RNGTT: variants seen among roughly 807,000 people sequenced by gnomAD.
The protein encoded by RNGTT is mRNA-capping enzyme.
RNGTT carries 33 observed loss-of-function variants against 79.3 expected under a neutral mutation model. The ratio of observed to expected loss-of-function variants is 0.42; its 90% CI spans 0.32 to 0.56. The LOEUF (loss-of-function observed/expected upper bound fraction) is 0.56, where lower values mean the gene tolerates loss of function less well. RNGTT is among the 20% of genes least tolerant of loss of function. RNGTT has a pLI of 0.17. For synonymous variants in RNGTT, 222 were observed against 235.9 expected, an observed-to-expected ratio of 0.94 and a Z score of 0.54; for missense variants, 497 against 739.1, an observed-to-expected ratio of 0.67 and a Z score of 3.80.
At chr6:88,737,068 G>C (rs1250151524) in intron 13 of RNGTT, among the ~76,000 whole-genome samples, 1 of 152,176 alleles carries the variant, frequency 6.6e-6, no homozygotes, top group Non-Finnish European at 1.5e-5. Flanking sequence ...GGCACAGCAT[G>C]AAATCAAAGA....
rs746920077 is a variant in RNGTT, at chr6:88,929,162, AC to A, written c.278+1del. 1 of 1,578,014 alleles carries A rather than the reference AC, an allele frequency of 6.3e-7. No homozygotes were observed. Among genetic ancestry groups the A allele is most frequent in the Non-Finnish European group, 8.7e-7 (1 of 1,151,318 alleles). ...ATTAAAGAATCTTAATATATAACTT[AC>A]CCTTTACACTGAAGTTTTATATATT... On this transcript the variant is annotated splice_donor_variant, in intron 3 of 15. Coordinates refer to ENST00000369485, the MANE Select transcript of RNGTT (RefSeq NM_003800.5). LOFTEE classifies it high-confidence loss of function.
intron 14 of RNGTT, among the ~76,000 whole-genome samples, chr6:88,660,244 C>T (rs531922262): frequency 6.6e-6 from 1 of 152,128 alleles, no homozygotes; most frequent in South Asian, 2.1e-4. Flanking sequence ...GAAAACAAAA[C>T]AAAAGCCCAA....
chr6:88,712,152 T>G (rs1434472240), intron 13 of RNGTT, among the ~76,000 whole-genome samples: 1 of 152,114 alleles, frequency 6.6e-6, no homozygotes, highest in African/African-American at 2.4e-5. Context: ...TACTTGAGAA[T>G]AGGCAAAGTG....
At chr6:88,913,780 C>T (rs1327833170) in intron 4 of RNGTT, among the ~76,000 whole-genome samples, 1 of 152,114 alleles carries the variant, frequency 6.6e-6, no homozygotes, top group Non-Finnish European at 1.5e-5. Context: ...TGGAACCATT[C>T]CCCTTAAGAA....
intron 13 of RNGTT, among the ~76,000 whole-genome samples, chr6:88,690,346 A>G (rs1280117912): frequency 6.6e-6 from 1 of 152,152 alleles, no homozygotes; most frequent in African/African-American, 2.4e-5. Context: ...CACGTGAAAG[A>G]TATACAGGAA....
chr6:88,760,189 T>C (rs1023186093), intron 13 of RNGTT, among the ~76,000 whole-genome samples: 24 of 152,200 alleles, frequency 1.6e-4, no homozygotes, highest in Non-Finnish European at 2.9e-5. Context: ...ACATGCTCCT[T>C]TTCTCCTACT....
chr6:88,890,437 A>G, intron 8 of RNGTT, 58 bp downstream of exon 8: 2 of 1,073,208 alleles, frequency 1.9e-6, no homozygotes, highest in South Asian at 1.4e-5. Context: ...CTAACAATAA[A>G]ACAATATTCT....
chr6:88,705,630 A>G (rs950228361), intron 13 of RNGTT, among the ~76,000 whole-genome samples: 2 of 152,172 alleles, frequency 1.3e-5, no homozygotes, highest in African/African-American at 4.8e-5. Context: ...AACCAGAGGT[A>G]TTCATGCAAA....
At position 88,963,596 on chromosome 6, in the gene RNGTT, A is replaced by G. The variant is rs1785727247; in HGVS notation, c.-187T>C. ...CACTTTCATTCAGGATCAACTCCAC[A>G]GCTCCAGGAGAACCCACAATGCACC... is the stretch of plus-strand genomic sequence containing the variant. On this transcript the variant is annotated 5_prime_UTR_variant, in exon 1 of 16. Transcript: ENST00000369485. 2 of 518,836 alleles carry G rather than the reference A, an allele frequency of 3.9e-6. No homozygotes were observed. The highest frequency in any genetic ancestry group is 8.1e-5 in the Admixed American group (2 of 24,840). The allele number at this position is 518,836 out of a possible 1,614,324, so 32.1% of individuals were successfully genotyped here. A position where few individuals can be genotyped will look rare whatever the true frequency, so the allele number is the denominator to read the frequency against.
intron 6 of RNGTT, among the ~76,000 whole-genome samples, chr6:88,892,311 A>G (rs1783077782): frequency 6.6e-6 from 1 of 152,136 alleles, no homozygotes. Flanking sequence ...TTTTATGTAA[A>G]TCAAGTGGTA....
At chr6:88,836,147 C>T (rs1162248172) in intron 11 of RNGTT, among the ~76,000 whole-genome samples, 1 of 150,054 alleles carries the variant, frequency 6.7e-6, no homozygotes, top group Admixed American at 6.7e-5. Flanking sequence ...TCTTTAGGTT[C>T]ACCATATGAA....
chr6:88,791,315 T>A (rs1322790955), intron 12 of RNGTT, among the ~76,000 whole-genome samples: 1 of 151,902 alleles, frequency 6.6e-6, no homozygotes, highest in Admixed American at 6.6e-5. Context: ...TTTTTTTCAT[T>A]CTTTATAGAG....
intron 2 of RNGTT, among the ~76,000 whole-genome samples, chr6:88,933,093 GAA>G (rs201351131): frequency 1.3e-5 from 2 of 149,304 alleles, no homozygotes; most frequent in African/African-American, 4.9e-5. Flanking sequence ...GTCCCCACAG[GAA>G]AAAAAAAGGC....
At chr6:88,775,222 T>C (rs1348805830) in intron 12 of RNGTT, among the ~76,000 whole-genome samples, 2 of 152,180 alleles carry the variant, frequency 1.3e-5, no homozygotes, top group African/African-American at 2.4e-5. Flanking sequence ...CACAGTTACC[T>C]TGTATGTGTG....
intron 8 of RNGTT, among the ~76,000 whole-genome samples, chr6:88,874,864 T>C (rs1426876466): frequency 6.6e-6 from 1 of 152,096 alleles, no homozygotes; most frequent in Non-Finnish European, 1.5e-5. Flanking sequence ...ACTCTTAAAA[T>C]CAAAACAAGC....
chr6:88,615,927 T>C (rs1026717678), intron 14 of RNGTT, among the ~76,000 whole-genome samples: 15 of 152,158 alleles, frequency 9.9e-5, no homozygotes, highest in Non-Finnish European at 1.9e-4. Context: ...AGTTCAGCAA[T>C]GCTAAGTGTA....
At chr6:88,627,274 G>A (rs969324622) in intron 14 of RNGTT, among the ~76,000 whole-genome samples, 5 of 152,076 alleles carry the variant, frequency 3.3e-5, no homozygotes, top group African/African-American at 9.7e-5. Context: ...AAATATCCAT[G>A]TTTAACAAAG....
chr6:88,699,017 C>T (rs1775854827), intron 13 of RNGTT, among the ~76,000 whole-genome samples: 1 of 152,162 alleles, frequency 6.6e-6, no homozygotes, highest in Non-Finnish European at 1.5e-5. Flanking sequence ...TGACTAGGAT[C>T]ACTCTTTATA....
intron 12 of RNGTT, among the ~76,000 whole-genome samples, chr6:88,789,392 T>C (rs1353954877): frequency 5.9e-5 from 9 of 152,110 alleles, no homozygotes; most frequent in African/African-American, 2.2e-4. Flanking sequence ...AAACCCCGTA[T>C]CTACTAAAAC....
Sources: gnomAD v4.1 joint callset for allele counts (sites outside exome capture counted in the v4.1 genomes callset) on GRCh38, gnomAD v4.1.1 for gene constraint, MANE v1.5 for transcripts, NCBI Gene and HGNC (gene_info 2026-07-23, HGNC 2026-07-21) for gene names.